RUNX1: variants seen among roughly 807,000 people sequenced by gnomAD.
RUNX1 encodes the protein runt-related transcription factor 1.
In RUNX1, 19 loss-of-function variants were observed where a neutral mutation model predicts 42.8. The ratio of observed to expected loss-of-function variants is 0.44; its 90% CI spans 0.31 to 0.65. The LOEUF (loss-of-function observed/expected upper bound fraction) is 0.65. RUNX1 is among the 30% of genes least tolerant of loss of function. RUNX1 has a pLI of 0.07. For synonymous variants in RUNX1, 271 were observed against 289.4 expected, an observed-to-expected ratio of 0.94 and a Z score of 0.64; for missense variants, 528 against 672.0, an observed-to-expected ratio of 0.79 and a Z score of 2.37.
chr21:34,877,900 C>T (rs186722852), intron 5 of RUNX1, among the ~76,000 whole-genome samples: 1 of 152,288 alleles, frequency 6.6e-6, no homozygotes, highest in Admixed American at 6.5e-5. Context: ...GAGAATCCAT[C>T]AGACTGGTGG....
At position 34,993,622 on chromosome 21, in the gene RUNX1, GACACACACACAGACACACACAGGC is replaced by G. The variant is rs2058966026; in HGVS notation, c.58+55196_58+55219del. ...ACAGGCACACACAGGCACACACACA[GACACACACACAGACACACACAGGC>G]ACACACACACAGACACACAGAGACA... On this transcript the variant is annotated intron_variant, in intron 2 of 8. Coordinates refer to ENST00000675419, the MANE Select transcript of RUNX1 (RefSeq NM_001754.5). Among the ~76,000 whole-genome samples the G allele has an allele frequency of 8.6e-5, 4 of 46,606 alleles. No individual in the cohort carries two copies. The South Asian group carries it at 1.8e-3, about 21-fold the overall frequency. 30.6% of individuals were successfully genotyped at this position (46,606 alleles called of 152,430 possible). A position where few individuals can be genotyped will look rare whatever the true frequency, so the allele number is the denominator to read the frequency against.
intron 2 of RUNX1, among the ~76,000 whole-genome samples, chr21:34,928,322 T>C (rs17812779): frequency 0.012 from 1,891 of 152,262 alleles, 14 homozygotes; most frequent in Non-Finnish European, 0.019. Flanking sequence ...GAATACTGAA[T>C]GGCCATACTA....
chr21:34,813,698 ACTTGC>A (rs1161662539), intron 7 of RUNX1, among the ~76,000 whole-genome samples: 1 of 152,126 alleles, frequency 6.6e-6, no homozygotes, highest in Non-Finnish European at 1.5e-5. Flanking sequence ...ACAGGCTAGC[ACTTGC>A]CTCTCCTGGG....
intron 7 of RUNX1, among the ~76,000 whole-genome samples, chr21:34,819,930 C>T (rs1025711483): frequency 6.6e-6 from 1 of 152,232 alleles, no homozygotes; most frequent in Non-Finnish European, 1.5e-5. Context: ...TGGGAGGAAT[C>T]GGCACAGGAT....
chr21:34,875,452 C>T (rs1005489163), intron 5 of RUNX1, among the ~76,000 whole-genome samples: 9 of 152,094 alleles, frequency 5.9e-5, no homozygotes, highest in African/African-American at 2.2e-4. Flanking sequence ...GATCTGAATA[C>T]AGATTTCAGT....
At chr21:34,865,219 C>T (rs967244214) in intron 5 of RUNX1, among the ~76,000 whole-genome samples, 2 of 151,298 alleles carry the variant, frequency 1.3e-5, no homozygotes, top group African/African-American at 2.4e-5. Flanking sequence ...TGACAGATCC[C>T]GTAAGAAGGA....
intron 2 of RUNX1, among the ~76,000 whole-genome samples, chr21:35,031,448 T>C (rs1457404158): frequency 6.6e-6 from 1 of 152,074 alleles, no homozygotes; most frequent in Non-Finnish European, 1.5e-5. Flanking sequence ...GAAAACTGTA[T>C]GGAGGTTCCC....
intron 2 of RUNX1, among the ~76,000 whole-genome samples, chr21:35,019,356 C>T (rs530005554): frequency 4.6e-5 from 7 of 152,248 alleles, no homozygotes; most frequent in Non-Finnish European, 1.0e-4. Context: ...TACTGCATGC[C>T]CTGCTTAGTC....
chr21:34,809,599 T>C (rs2056730570), intron 7 of RUNX1, among the ~76,000 whole-genome samples: 1 of 152,032 alleles, frequency 6.6e-6, no homozygotes, highest in Non-Finnish European at 1.5e-5. Flanking sequence ...AAGGCCTGGG[T>C]TGGGAGACTG....
intron 2 of RUNX1, among the ~76,000 whole-genome samples, chr21:34,941,161 T>C (rs911703270): frequency 6.6e-6 from 1 of 152,226 alleles, no homozygotes; most frequent in Non-Finnish European, 1.5e-5. Context: ...TCGTCCACGA[T>C]TGTGACAACC....
At position 34,844,259 on chromosome 21, in the gene RUNX1, TCA is replaced by T. The variant is rs764372967; in HGVS notation, c.614-9660_614-9659del. 2.0e-5 allele frequency among the ~76,000 whole-genome samples: 3 copies of T among 152,254 alleles called. No homozygotes were observed. The East Asian group carries it at 5.8e-4, about 29-fold the overall frequency. Reference sequence around the variant, plus strand: ...GCACTATGGAGATATGAGCACTGACTCACAGAACGCTGCCTGGAGCTTCTGAC... The same window carrying T: ...GCACTATGGAGATATGAGCACTGACTCAGAACGCTGCCTGGAGCTTCTGAC... On this transcript the variant is annotated intron_variant, in intron 6 of 8. Transcript: ENST00000675419.
chr21:34,806,585 A>G (rs1273451891), intron 7 of RUNX1, among the ~76,000 whole-genome samples: 2 of 152,234 alleles, frequency 1.3e-5, no homozygotes, highest in African/African-American at 4.8e-5. Context: ...AAGCAGGCAG[A>G]AAATTAAGAC....
chr21:34,903,382 C>T (rs1483724028), intron 2 of RUNX1, among the ~76,000 whole-genome samples: 1 of 152,098 alleles, frequency 6.6e-6, no homozygotes, highest in Non-Finnish European at 1.5e-5. Flanking sequence ...ATTATTATTA[C>T]AACTGTTACT....
chr21:34,839,405 GACAC>G (rs1030171435), intron 6 of RUNX1, among the ~76,000 whole-genome samples: 24 of 152,112 alleles, frequency 1.6e-4, no homozygotes, highest in African/African-American at 5.5e-4. Flanking sequence ...AACACCCACC[GACAC>G]ACACACTCGG....
At chr21:34,811,268 A>G (rs577124640) in intron 7 of RUNX1, among the ~76,000 whole-genome samples, 2 of 152,354 alleles carry the variant, frequency 1.3e-5, no homozygotes, top group Admixed American at 6.5e-5. Context: ...GTCCCCTTCA[A>G]TAAACGCGAG....
chr21:34,938,470 G>A (rs1175043840), intron 2 of RUNX1, among the ~76,000 whole-genome samples: 1 of 152,004 alleles, frequency 6.6e-6, no homozygotes, highest in African/African-American at 2.4e-5. Flanking sequence ...TTATTTTATA[G>A]TTCTCTCATT....
chr21:35,009,147 A>C (rs2059106918), intron 2 of RUNX1, among the ~76,000 whole-genome samples: 1 of 152,226 alleles, frequency 6.6e-6, no homozygotes, highest in Non-Finnish European at 1.5e-5. Context: ...ACTCCACTGC[A>C]CTTGAAACTT....
At chr21:34,884,489 G>A (rs988295470) in intron 4 of RUNX1, among the ~76,000 whole-genome samples, 15 of 152,220 alleles carry the variant, frequency 9.9e-5, no homozygotes, top group Non-Finnish European at 2.1e-4. Context: ...GATTGCCTGC[G>A]GCTTATTTAA....
chr21:35,028,242 CTCAT>C (rs2059250572), intron 2 of RUNX1, among the ~76,000 whole-genome samples: 2 of 152,200 alleles, frequency 1.3e-5, no homozygotes. Context: ...CTCTGCCTCA[CTCAT>C]CATGGTTTCT....
Sources: gnomAD v4.1 joint callset for allele counts (sites outside exome capture counted in the v4.1 genomes callset) on GRCh38, gnomAD v4.1.1 for gene constraint, MANE v1.5 for transcripts, NCBI Gene and HGNC (gene_info 2026-07-23, HGNC 2026-07-21) for gene names.